ZNF91: variants seen among roughly 807,000 people sequenced by gnomAD.
ZNF91 encodes zinc finger protein 91 (HPF7, HTF10).
A neutral mutation model predicts 12.6 loss-of-function variants in ZNF91; 7 were observed. The observed-to-expected ratio is 0.55, with a 90% CI of 0.31 to 1.04. ZNF91 has a LOEUF of 1.04. Among genes scored for constraint, ZNF91 ranks in the 50% least tolerant of loss-of-function variants. ZNF91 has a pLI of 0.05. For missense variants in ZNF91, 1,217 were observed against 1,385.4 expected (o/e 0.88, Z 1.93); for synonymous variants, 453 against 462.6 (o/e 0.98, Z 0.27).
intron 3 of ZNF91, among the ~76,000 whole-genome samples, chr19:23,365,631 G>T (rs1968972673): frequency 6.6e-6 from 1 of 151,770 alleles, no homozygotes; most frequent in Non-Finnish European, 1.5e-5. Flanking sequence ...ATTTGGCAGG[G>T]TCATAGGACA....
intron 1 of ZNF91, among the ~76,000 whole-genome samples, chr19:23,389,662 CA>C (rs1359019779): frequency 6.6e-6 from 1 of 152,146 alleles, no homozygotes; most frequent in East Asian, 1.9e-4. Context: ...GTAGAGTGCA[CA>C]GCCTCTCATT....
chr19:23,354,400 T>C (rs572915002), downstream of ZNF91, among the ~76,000 whole-genome samples: 4 of 151,880 alleles, frequency 2.6e-5, no homozygotes, highest in South Asian at 2.1e-4. Flanking sequence ...GAAAAAAAAA[T>C]TGACAATATT....
At position 23,362,449 on chromosome 19, in the gene ZNF91, G is replaced by C; in HGVS notation, c.530C>G (p.Thr177Ser). 6.2e-7 allele frequency: 1 copy of C among 1,613,434 alleles called. No individual in the cohort carries two copies. The highest frequency in any genetic ancestry group is 8.5e-7 in the Non-Finnish European group (1 of 1,179,834). Residue 177 changes from threonine (T) to serine (S), a missense_variant, in exon 4 of 4, where the codon ACT (threonine) becomes AGT (serine). Around this residue, in one of 2 missense-constraint regions of ZNF91, gnomAD observed 726 missense variants for 895.5 expected, o/e 0.81. Transcript: ENST00000300619. The part of the protein sequence containing the change: ...LNSNRHTIRH[T>S]GKKCFKCKKC... ...TTTACATTTGAAGCATTTCTTTCCA[G>C]TATGTCTTATCGTATGTCTGTTTGA...
At chr19:23,375,949 A>G (rs1482196217) in intron 1 of ZNF91, among the ~76,000 whole-genome samples, 2 of 152,220 alleles carry the variant, frequency 1.3e-5, no homozygotes, top group Non-Finnish European at 2.9e-5. Flanking sequence ...CCATAAGAAA[A>G]TATCAGTTGC....
intron 1 of ZNF91, 98 bp from the exon 2 acceptor site, chr19:23,374,862 C>A: frequency 6.4e-7 from 1 of 1,551,014 alleles, no homozygotes; most frequent in Non-Finnish European, 8.7e-7. Context: ...AGAACTGGTT[C>A]TGACTTATAA....
intron 3 of ZNF91, among the ~76,000 whole-genome samples, chr19:23,351,923 C>A (rs911629458): frequency 6.6e-6 from 1 of 152,142 alleles, no homozygotes; most frequent in African/African-American, 2.4e-5. Flanking sequence ...CCCATTCCTG[C>A]TGGATACCAC....
chr19:23,322,439 T>C (rs1599686690), intron 1 of ZNF91, among the ~76,000 whole-genome samples: 1 of 152,302 alleles, frequency 6.6e-6, no homozygotes, highest in East Asian at 1.9e-4. Flanking sequence ...TGGTGACATA[T>C]GTCTGGATCC....
chr19:23,369,633 C>T (rs535298468), intron 3 of ZNF91, among the ~76,000 whole-genome samples: 4,215 of 152,232 alleles, frequency 0.028, 205 homozygotes, highest in African/African-American at 0.095. Context: ...GAAGTACACA[C>T]AGGAGACTCC....
chr19:23,339,900 T>C (rs1968087504), intron 3 of ZNF91: 1 of 144,198 alleles, frequency 6.9e-6, no homozygotes, highest in Admixed American at 7.1e-5. Flanking sequence ...GCCAACACTG[T>C]GCCACTACAC....
intron 3 of ZNF91, among the ~76,000 whole-genome samples, chr19:23,342,926 C>G (rs964401639): frequency 6.6e-6 from 1 of 152,130 alleles, no homozygotes; most frequent in African/African-American, 2.4e-5. Context: ...ACATATTTAG[C>G]AAATGGCCAT....
chr19:23,305,785 T>G (rs1002761640), intron 3 of ZNF91, among the ~76,000 whole-genome samples: 2 of 152,222 alleles, frequency 1.3e-5, no homozygotes, highest in African/African-American at 2.4e-5. Context: ...GAATAGCTCA[T>G]GCATACACTG....
chr19:23,312,516 C>A (rs935311056), upstream of ZNF91, among the ~76,000 whole-genome samples: 1 of 152,138 alleles, frequency 6.6e-6, no homozygotes, highest in Non-Finnish European at 1.5e-5. Context: ...TGTTTCTCAT[C>A]ATTTTCTCAC....
rs991222499 is a variant in ZNF91 at position 23,395,394 on chromosome 19, A to C, written c.-40T>G. The stretch of plus-strand genomic sequence containing the variant: ...TCCAATACCTGCAGGTCACAGGGCC[A>C]CACAGGCTGGGCCTCCTGGAGCAGA... On this transcript the variant is annotated 5_prime_UTR_variant, in exon 1 of 4. Coordinates refer to ENST00000300619, the MANE Select transcript of ZNF91 (RefSeq NM_003430.4). The C allele has an allele frequency of 6.2e-7, 1 of 1,611,928 alleles. No homozygotes were observed. Among genetic ancestry groups the C allele is most frequent in the Non-Finnish European group, 8.5e-7 (1 of 1,178,940 alleles).
intron 3 of ZNF91, among the ~76,000 whole-genome samples, chr19:23,344,942 G>A (rs540744043): frequency 1.1e-4 from 17 of 152,316 alleles, no homozygotes; most frequent in Admixed American, 8.5e-4. Context: ...GCCTCCAGTC[G>A]CCTGTCTGTG....
Position 23,368,514 on chromosome 19 carries a change from CT to C in ZNF91, c.253+5227del, listed in dbSNP as rs1969112348. The stretch of plus-strand genomic sequence containing the variant: ...TGGGTGACAGAGCGAAACTCCATCT[CT>C]CTCTCTCTCTCTCTCTCTCTCTCTC... On this transcript the variant is annotated intron_variant, in intron 3 of 3. Transcript: ENST00000300619. Among the ~76,000 whole-genome samples, 9 of 5,834 alleles carry C rather than the reference CT, an allele frequency of 1.5e-3. No homozygotes were observed. The East Asian group carries it at 0.032, about 20-fold the overall frequency. The allele number at this position is 5,834 out of a possible 152,430, so 3.8% of individuals were successfully genotyped here. A position where few individuals can be genotyped will look rare whatever the true frequency, so the allele number is the denominator to read the frequency against.
intron 3 of ZNF91, among the ~76,000 whole-genome samples, chr19:23,343,304 T>A (rs1012004894): frequency 2.0e-5 from 3 of 152,204 alleles, no homozygotes. Context: ...AGATCTGAGA[T>A]GAGACCTGAG....
At chr19:23,336,615 T>G (rs11669196), downstream of ZNF91, among the ~76,000 whole-genome samples, 671 of 152,274 alleles carry the variant, frequency 4.4e-3, 4 homozygotes, top group African/African-American at 0.016. Flanking sequence ...CATTTATTCA[T>G]GCAAGCTTCC....
At chr19:23,316,858 G>A (rs1967570341) in intron 1 of ZNF91, among the ~76,000 whole-genome samples, 1 of 152,042 alleles carries the variant, frequency 6.6e-6, no homozygotes, top group Non-Finnish European at 1.5e-5. Context: ...AATGAGATTG[G>A]GTTTCTCATA....
At chr19:23,366,138 G>A (rs1003385350) in intron 3 of ZNF91, among the ~76,000 whole-genome samples, 2 of 151,934 alleles carry the variant, frequency 1.3e-5, no homozygotes, top group African/African-American at 2.4e-5. Flanking sequence ...TTCCCAGTAG[G>A]GGCGGCCGGG....
Sources: gnomAD v4.1 joint callset for allele counts (sites outside exome capture counted in the v4.1 genomes callset) on GRCh38, gnomAD v4.1.1 for gene constraint, gnomAD v4.1.1 regional missense constraint, MANE v1.5 for transcripts, NCBI Gene and HGNC (gene_info 2026-07-23, HGNC 2026-07-21) for gene names.